The following REEP3 variants were observed in gnomAD, a reference collection of about 807,000 sequenced individuals.
REEP3 encodes receptor expression-enhancing protein 3.
In REEP3, 20 loss-of-function variants were observed where a neutral mutation model predicts 41.3. The observed-to-expected ratio is 0.48, with a 90% confidence interval of 0.34 to 0.70. REEP3 has a LOEUF of 0.70. Ranked by LOEUF, REEP3 falls within the 30% of genes least tolerant of loss-of-function variation. The pLI is 0.01. For missense variants in REEP3, 271 were observed against 308.8 expected (o/e 0.88, Z 0.92); for synonymous variants, 104 against 101.8 (o/e 1.02, Z -0.13).
At chr10:63,572,163 T>TA (rs955323518) in intron 2 of REEP3, among the ~76,000 whole-genome samples, 62 of 151,442 alleles carry the variant, frequency 4.1e-4, no homozygotes, top group Admixed American at 3.0e-3. Context: ...GTTCCTCCTT[T>TA]AAAAAAAAAT....
intron 1 of REEP3, among the ~76,000 whole-genome samples, chr10:63,544,980 G>A (rs1346747092): frequency 3.9e-5 from 6 of 152,138 alleles, no homozygotes; most frequent in Non-Finnish European, 8.8e-5. Flanking sequence ...AAGGAACAGT[G>A]ATTTCTATGA....
chr10:63,588,987 C>A (rs554800691), intron 2 of REEP3, among the ~76,000 whole-genome samples: 1 of 152,198 alleles, frequency 6.6e-6, no homozygotes, highest in East Asian at 1.9e-4. Flanking sequence ...GTGGCTGAAG[C>A]AGAACAGAAC....
At chr10:63,526,932 C>T (rs919053906) in intron 1 of REEP3, among the ~76,000 whole-genome samples, 3 of 152,080 alleles carry the variant, frequency 2.0e-5, no homozygotes, top group Non-Finnish European at 2.9e-5. Flanking sequence ...TTGATCATTT[C>T]TAAATGTAAA....
At chr10:63,563,394 TG>T (rs1393944197) in intron 1 of REEP3, among the ~76,000 whole-genome samples, 5 of 152,178 alleles carry the variant, frequency 3.3e-5, no homozygotes, top group African/African-American at 1.2e-4. Flanking sequence ...TAAAAGGAAC[TG>T]GGGCTCCTTG....
intron 2 of REEP3, among the ~76,000 whole-genome samples, chr10:63,585,807 C>T (rs1344286688): frequency 6.6e-6 from 1 of 152,090 alleles, no homozygotes; most frequent in African/African-American, 2.4e-5. Flanking sequence ...TTATCTATGG[C>T]TCTTATAAAT....
At chr10:63,524,738 C>T (rs1172436320) in intron 1 of REEP3, among the ~76,000 whole-genome samples, 1 of 152,186 alleles carries the variant, frequency 6.6e-6, no homozygotes, top group Non-Finnish European at 1.5e-5. Context: ...GCCACCGCAC[C>T]TGGCCCTGGA....
At chr10:63,609,137 T>C (rs1956255713) in intron 5 of REEP3, among the ~76,000 whole-genome samples, 1 of 152,170 alleles carries the variant, frequency 6.6e-6, no homozygotes, top group African/African-American at 2.4e-5. Context: ...TTTAAAACAA[T>C]GTCATGTCTC....
intron 1 of REEP3, 101 bp downstream of exon 1, chr10:63,521,678 G>A (rs1955250407): frequency 2.3e-6 from 2 of 868,012 alleles, no homozygotes; most frequent in Middle Eastern, 3.8e-4. Flanking sequence ...GCCTGGGCGG[G>A]GACGGGGTAG....
chr10:63,528,892 C>T (rs1955392396), intron 1 of REEP3, among the ~76,000 whole-genome samples: 1 of 152,194 alleles, frequency 6.6e-6, no homozygotes, highest in Non-Finnish European at 1.5e-5. Context: ...GCTTTCCTTC[C>T]CCGCTCCGTT....
rs1027571335 is a variant in REEP3, at chr10:63,621,107, A to C, written c.*238A>C. 1.4e-5 allele frequency: 5 copies of C among 349,170 alleles called. No homozygotes were observed. Among genetic ancestry groups the C allele is most frequent in the African/African-American group, 6.4e-5 (3 of 47,054 alleles). 21.6% of individuals were successfully genotyped at this position (349,170 alleles called of 1,614,324 possible). On this transcript the variant is annotated 3_prime_UTR_variant, in exon 8 of 8. Transcript: ENST00000373758. ...TGTATATTAGAAATTATAGAAAATC[A>C]TGTTGTCCGTTTTCAAATTCATCAA...
At chr10:63,564,056 A>G (rs1454792408) in intron 1 of REEP3, among the ~76,000 whole-genome samples, 1 of 152,196 alleles carries the variant, frequency 6.6e-6, no homozygotes, top group Non-Finnish European at 1.5e-5. Flanking sequence ...AACTAAGGAA[A>G]CCTAAATAAA....
At chr10:63,594,703 A>C (rs1046763923) in intron 2 of REEP3, 75 bp from the exon 3 acceptor site, 2 of 882,936 alleles carry the variant, frequency 2.3e-6, no homozygotes, top group Admixed American at 3.6e-5. Context: ...CCAGAAATAC[A>C]TACATACATA....
intron 5 of REEP3, among the ~76,000 whole-genome samples, chr10:63,604,099 A>G (rs1187345813): frequency 6.6e-6 from 1 of 152,226 alleles, no homozygotes; most frequent in African/African-American, 2.4e-5. Flanking sequence ...AGAACGGGTA[A>G]TAACGCTGAC....
chr10:63,596,162 A>G lies in REEP3; in HGVS notation c.182+1308A>G, dbSNP rs796604922. Among the ~76,000 whole-genome samples, 11 of 152,150 alleles carry G rather than the reference A, an allele frequency of 7.2e-5. 1 individual carries two copies. Among genetic ancestry groups the G allele is most frequent in the African/African-American group, 2.7e-4 (11 of 41,492 alleles). On this transcript the variant is annotated intron_variant, in intron 3 of 7. Transcript: ENST00000373758. ...AAAATATTTTTAACAACCTTCCCTT[A>G]TTTGCAAACGTCACTGTATCTGTCT...
chr10:63,620,339 C>G (rs1956344554), intron 7 of REEP3, among the ~76,000 whole-genome samples: 1 of 152,184 alleles, frequency 6.6e-6, no homozygotes, highest in Admixed American at 6.5e-5. Context: ...AAATGGCATT[C>G]TCATTTAGCA....
chr10:63,567,795 G>A (rs1955813879), intron 2 of REEP3, among the ~76,000 whole-genome samples: 4 of 151,994 alleles, frequency 2.6e-5, no homozygotes, highest in Admixed American at 2.6e-4. Flanking sequence ...ATATTTTCAG[G>A]GTTTTTGGGG....
Position 63,599,293 on chromosome 10 carries a change from C to T in REEP3, c.417+10C>T, listed in dbSNP as rs1453731692. ...TACTGCAGCAGTAAAGGTAATTGTT[C>T]ATTTACCTTTTTAATCCAATGTCAT... On this transcript the variant is annotated intron_variant, in intron 5 of 7. Transcript: ENST00000373758. The T allele has an allele frequency of 7.9e-7, 1 of 1,271,822 alleles. No individual in the cohort carries two copies. Among genetic ancestry groups the T allele is most frequent in the Non-Finnish European group, 1.1e-6 (1 of 920,056 alleles). 78.8% of individuals were successfully genotyped at this position (1,271,822 alleles called of 1,614,324 possible).
chr10:63,534,250 ATT>A (rs374483167), intron 1 of REEP3, among the ~76,000 whole-genome samples: 5 of 148,786 alleles, frequency 3.4e-5, no homozygotes, highest in Non-Finnish European at 7.5e-5. Context: ...ATTATTTTTT[ATT>A]TTTTTTTTGT....
chr10:63,619,715 A>G lies in REEP3; in HGVS notation c.626A>G (p.Tyr209Cys), dbSNP rs748708014. Reference protein sequence around the residue: ...EKTDEEAEGPYSDNEMLTHKG... With the variant: ...EKTDEEAEGPCSDNEMLTHKG... ...ACAGATGAAGAAGCAGAGGGGCCATATTCAGATAATGAGATGTTAACACAC... is the reference window on the plus strand; with the variant it reads ...ACAGATGAAGAAGCAGAGGGGCCATGTTCAGATAATGAGATGTTAACACAC... The change falls in exon 7 of 8, where the codon TAT becomes TGT. Residue 209 changes from tyrosine (Y) to cysteine (C), a missense_variant. Transcript: ENST00000373758. 6.8e-6 allele frequency: 11 copies of G among 1,607,252 alleles called. No individual in the cohort carries two copies. Among genetic ancestry groups the G allele is most frequent in the Admixed American group, 1.7e-5 (1 of 58,970 alleles).
Sources: allele counts gnomAD v4.1 joint callset (sites outside exome capture counted in the v4.1 genomes callset), GRCh38; gene constraint gnomAD v4.1.1; transcripts MANE v1.5; gene names NCBI Gene and HGNC (gene_info 2026-07-23, HGNC 2026-07-21).